The following PRKN variants were observed in gnomAD, a reference collection of about 807,000 sequenced individuals.
PRKN encodes E3 ubiquitin-protein ligase parkin.
In PRKN, 56 loss-of-function variants were observed where a neutral mutation model predicts 59.5. That is an observed-to-expected ratio of 0.94 (90% CI 0.76 to 1.18). The LOEUF (loss-of-function observed/expected upper bound fraction) is 1.18, where lower values mean the gene tolerates loss of function less well. Ranked by LOEUF, PRKN falls within the 50% of genes most tolerant of loss-of-function variation. The pLI is 0.00. For synonymous variants in PRKN, 250 were observed against 222.1 expected, an observed-to-expected ratio of 1.13 and a Z score of -1.12; for missense variants, 657 against 596.4, an observed-to-expected ratio of 1.10 and a Z score of -1.06.
intron 2 of PRKN, among the ~76,000 whole-genome samples, chr6:162,309,424 C>T (rs1371470398): frequency 6.6e-6 from 1 of 152,166 alleles, no homozygotes; most frequent in African/African-American, 2.4e-5. Flanking sequence ...CTCAGCCTCC[C>T]AAACTGCTGG....
At chr6:161,382,915 A>T (rs1786059566) in intron 10 of PRKN, among the ~76,000 whole-genome samples, 2 of 152,366 alleles carry the variant, frequency 1.3e-5, no homozygotes, top group East Asian at 3.9e-4. Context: ...ACAGAAACCA[A>T]TCAATGCTAA....
At chr6:162,722,430 C>A (rs1369877828) in intron 1 of PRKN, among the ~76,000 whole-genome samples, 1 of 152,156 alleles carries the variant, frequency 6.6e-6, no homozygotes, top group African/African-American at 2.4e-5. Context: ...AGCCGACTGT[C>A]ACATGAGTCT....
chr6:161,951,766 A>C (rs991636039), intron 6 of PRKN, among the ~76,000 whole-genome samples: 2 of 152,026 alleles, frequency 1.3e-5, no homozygotes, highest in African/African-American at 2.4e-5. Context: ...AAATACAAAA[A>C]GTTACCTTAG....
At chr6:162,131,239 C>T (rs183270430) in intron 4 of PRKN, among the ~76,000 whole-genome samples, 2 of 152,178 alleles carry the variant, frequency 1.3e-5, no homozygotes, top group African/African-American at 4.8e-5. Flanking sequence ...ATGATGACAC[C>T]CTCTAAACAG....
At chr6:162,036,537 G>A (rs1049845453) in intron 5 of PRKN, among the ~76,000 whole-genome samples, 7 of 151,108 alleles carry the variant, frequency 4.6e-5, no homozygotes, top group Non-Finnish European at 1.0e-4. Context: ...CTGCCACCAC[G>A]CTCGGCTAAT....
rs1018964103 is a variant in PRKN, at chr6:161,900,434, T to A, written c.734+72868A>T. 2.8e-5 allele frequency among the ~76,000 whole-genome samples: 4 copies of A among 143,604 alleles called. No individual in the cohort carries two copies. The Admixed American group carries it at 2.9e-4, about 10-fold the overall frequency. The allele number at this position is 143,604 out of a possible 152,430, so 94.2% of individuals were successfully genotyped here. A position where few individuals can be genotyped will look rare whatever the true frequency, so the allele number is the denominator to read the frequency against. On this transcript the variant is annotated intron_variant, in intron 6 of 11. Coordinates refer to ENST00000366898, the MANE Select transcript of PRKN (RefSeq NM_004562.3). ...TAGAGAAAATTAGAGAAAAATAATA[T>A]ATATTTTTATATATATATAAATTAT...
intron 2 of PRKN, among the ~76,000 whole-genome samples, chr6:162,400,457 C>CAAAAAAAAA (rs3081908): frequency 7.1e-5 from 7 of 98,694 alleles, no homozygotes; most frequent in Non-Finnish European, 1.2e-4. Flanking sequence ...ATGTAAATAT[C>CAAAAAAAAA]AAAAAAAAAA....
chr6:162,202,949 C>A (rs1483005781), intron 3 of PRKN, among the ~76,000 whole-genome samples: 1 of 151,908 alleles, frequency 6.6e-6, no homozygotes, highest in Non-Finnish European at 1.5e-5. Context: ...ATTTTTATAA[C>A]CTTTTGTAAA....
rs1419965178 is a variant in PRKN, at chr6:161,560,147, C to G, written c.933+9208G>C. Among the ~76,000 whole-genome samples, 1 of 152,128 alleles carries G rather than the reference C, an allele frequency of 6.6e-6. No homozygotes were observed. The highest frequency in any genetic ancestry group is 1.5e-5 in the Non-Finnish European group (1 of 68,028). On this transcript the variant is annotated intron_variant, in intron 8 of 11. Transcript: ENST00000366898. This position sits in a 1 kb window ranked among gnomAD's most constrained non-coding sequence, Gnocchi z 4.9. Reference sequence around the variant, plus strand: ...TAATATCAGCCAATTTCCATGCTTCCCTCTCTCCTAAGCCTTTTTTCTGTG... The same window carrying G: ...TAATATCAGCCAATTTCCATGCTTCGCTCTCTCCTAAGCCTTTTTTCTGTG...
At position 162,045,777 on chromosome 6, in the gene PRKN, C is replaced by T. The variant is rs745777994; in HGVS notation, c.618+8314G>A. On this transcript the variant is annotated intron_variant, in intron 5 of 11. Coordinates refer to ENST00000366898, the MANE Select transcript of PRKN (RefSeq NM_004562.3). ...AGGACTAGGAGGGCTGTTTCCCGGC[C>T]GAGAAGCAGGCCTCAATCTCTTGGC... 1.3e-3 allele frequency among the ~76,000 whole-genome samples: 191 copies of T among 152,144 alleles called. 3 individuals are homozygous for T. Among genetic ancestry groups the T allele is most frequent in the East Asian group, 5.8e-4 (3 of 5,178 alleles).
chr6:162,122,932 A>T (rs1458904049), intron 4 of PRKN, among the ~76,000 whole-genome samples: 1 of 151,796 alleles, frequency 6.6e-6, no homozygotes, highest in African/African-American at 2.4e-5. Flanking sequence ...GTGTCTTCTC[A>T]GCTCTGGGCT....
At chr6:162,532,298 C>T (rs769441338) in intron 1 of PRKN, among the ~76,000 whole-genome samples, 4 of 152,218 alleles carry the variant, frequency 2.6e-5, no homozygotes, top group Admixed American at 6.5e-5. Flanking sequence ...GATATATGCA[C>T]GCACACAAGC....
chr6:161,591,350 C>G (rs12216149), intron 7 of PRKN, among the ~76,000 whole-genome samples: 8,476 of 152,200 alleles, frequency 0.056, 460 homozygotes, highest in Admixed American at 0.17. Context: ...CTAGGGGAGG[C>G]ATCCACTTTG....
At chr6:162,592,188 G>A (rs1489374211) in intron 1 of PRKN, among the ~76,000 whole-genome samples, 2 of 152,064 alleles carry the variant, frequency 1.3e-5, no homozygotes, top group African/African-American at 4.8e-5. Context: ...CAGTAGAGAC[G>A]AGGTTTCACC....
At chr6:161,711,220 T>G (rs1357903782) in intron 7 of PRKN, among the ~76,000 whole-genome samples, 1 of 152,216 alleles carries the variant, frequency 6.6e-6, no homozygotes, top group Non-Finnish European at 1.5e-5. Context: ...GTCTGGTTCC[T>G]GCCTTTGATA....
chr6:161,744,180 GT>G (rs1045881046), intron 7 of PRKN, among the ~76,000 whole-genome samples: 5 of 147,226 alleles, frequency 3.4e-5, no homozygotes, highest in East Asian at 2.0e-4. Context: ...ATTATTTACT[GT>G]TTTTTTTTCT....
At chr6:162,716,149 AAAT>A (rs1778711926) in intron 1 of PRKN, among the ~76,000 whole-genome samples, 1 of 152,216 alleles carries the variant, frequency 6.6e-6, no homozygotes, top group African/African-American at 2.4e-5. Flanking sequence ...TTTCAGCAAA[AAAT>A]AAATGTTTTC....
chr6:162,074,799 A>G (rs1778750201), intron 4 of PRKN, among the ~76,000 whole-genome samples: 1 of 152,106 alleles, frequency 6.6e-6, no homozygotes, highest in Admixed American at 6.6e-5. Context: ...AAATGCCAAC[A>G]ACGCGTTTCC....
chr6:161,856,283 C>T (rs1162362943), intron 6 of PRKN, among the ~76,000 whole-genome samples: 2 of 151,974 alleles, frequency 1.3e-5, no homozygotes, highest in African/African-American at 4.8e-5. Context: ...TCATTTGAAC[C>T]CGGGAGGCGG....
Sources: gnomAD v4.1 joint callset for allele counts (sites outside exome capture counted in the v4.1 genomes callset) on GRCh38, gnomAD v4.1.1 for gene constraint, Gnocchi (gnomAD v3.1) non-coding constraint, MANE v1.5 for transcripts, NCBI Gene and HGNC (gene_info 2026-07-23, HGNC 2026-07-21) for gene names.